EXD3: variants seen among roughly 807,000 people sequenced by gnomAD.
EXD3 encodes exonuclease 3'-5' domain containing 3, also known as exonuclease mut-7 homolog.
EXD3 carries 92 observed loss-of-function variants against 98.0 expected under a neutral mutation model. The observed-to-expected ratio is 0.94, with a 90% CI of 0.79 to 1.12. The LOEUF (loss-of-function observed/expected upper bound fraction) is 1.12, where lower values mean the gene tolerates loss of function less well. Among genes scored for constraint, EXD3 ranks in the 50% most tolerant of loss-of-function variants. The pLI, the probability that EXD3 is intolerant of heterozygous loss-of-function variation, is 0.00. For missense variants in EXD3, 1,222 were observed against 1,191.6 expected (o/e 1.03, Z -0.38); for synonymous variants, 569 against 526.0 (o/e 1.08, Z -1.12).
intron 8 of EXD3, among the ~76,000 whole-genome samples, 165 bp from the exon 9 acceptor site, chr9:137,354,938 G>T (rs745358101): frequency 6.6e-6 from 1 of 152,152 alleles, no homozygotes; most frequent in African/African-American, 2.4e-5. Context: ...CTCTGCTGGG[G>T]TCCACCCCAC....
In EXD3 at chr9:137,324,003, G is replaced by A; in HGVS notation, c.2052+87C>T. The A allele has an allele frequency of 6.5e-7, 1 of 1,533,744 alleles. No individual in the cohort carries two copies. Among genetic ancestry groups the A allele is most frequent in the Non-Finnish European group, 8.8e-7 (1 of 1,133,422 alleles). On this transcript the variant is annotated intron_variant, in intron 18 of 21. Coordinates refer to ENST00000340951, the MANE Select transcript of EXD3 (RefSeq NM_017820.5). The surrounding 1 kb of genome is among the most constrained non-coding windows in gnomAD (Gnocchi z 4.1). ...GCGCTGGGGGTCGGCCCCACGGCAA[G>A]CTGACCCTGAGGTGGGGGTGGCCGA...
intron 6 of EXD3, among the ~76,000 whole-genome samples, chr9:137,366,994 G>A (rs1252487668): frequency 6.6e-6 from 1 of 152,228 alleles, no homozygotes; most frequent in Non-Finnish European, 1.5e-5. Context: ...ACTGCCTCCC[G>A]AGCAGGTCTG....
In EXD3 at chr9:137,403,586, C is replaced by T. The variant is rs954920540; in HGVS notation, c.-47-8182G>A. 1.1e-5 allele frequency among the ~76,000 whole-genome samples: 1 copy of T among 89,146 alleles called. No individual in the cohort carries two copies. Among genetic ancestry groups the T allele is most frequent in the African/African-American group, 3.3e-5 (1 of 30,382 alleles). 58.5% of individuals were successfully genotyped at this position (89,146 alleles called of 152,430 possible). A position where few individuals can be genotyped will look rare whatever the true frequency, so the allele number is the denominator to read the frequency against. On this transcript the variant is annotated intron_variant, in intron 1 of 21. Coordinates refer to ENST00000340951, the MANE Select transcript of EXD3 (RefSeq NM_017820.5). This position sits in a 1 kb window ranked among gnomAD's most constrained non-coding sequence, Gnocchi z 6.1. ...CATTCCCGAGCCCCCCAGTTTTCGC[C>T]TCTCTCCTTCTCTTTGCCCCTAAGG...
chr9:137,310,118 A>G (rs1033475552), intron 19 of EXD3, among the ~76,000 whole-genome samples: 9 of 152,190 alleles, frequency 5.9e-5, no homozygotes, highest in Non-Finnish European at 1.5e-5. Flanking sequence ...CCATTTCCAC[A>G]TCCACATTTC....
rs1332031659 is a variant in EXD3, at chr9:137,329,239, T to G, written c.1999-5096A>C. Among the ~76,000 whole-genome samples the G allele has an allele frequency of 3.3e-3, 48 of 14,438 alleles. 12 individuals are homozygous for G. Among genetic ancestry groups the G allele is most frequent in the Admixed American group, 4.5e-3 (6 of 1,348 alleles). 9.5% of individuals were successfully genotyped at this position (14,438 alleles called of 152,430 possible). On this transcript the variant is annotated intron_variant, in intron 17 of 21. Coordinates refer to ENST00000340951, the MANE Select transcript of EXD3 (RefSeq NM_017820.5). ...GGGACGACACGGGGCTACACGGGGC[T>G]ACACGGGAGCTACACGGGGCTACAC...
intron 3 of EXD3, among the ~76,000 whole-genome samples, chr9:137,380,098 A>G (rs1358957963): frequency 6.6e-6 from 1 of 151,714 alleles, no homozygotes; most frequent in Non-Finnish European, 1.5e-5. Context: ...CTTGGGACCC[A>G]TGGCTCTGAG....
chr9:137,337,222 T>A (rs767117296), intron 17 of EXD3, among the ~76,000 whole-genome samples: 1 of 152,212 alleles, frequency 6.6e-6, no homozygotes, highest in Non-Finnish European at 1.5e-5. Context: ...ATAATATGCA[T>A]ATGCACCTAC....
At chr9:137,421,861 AAAG>A (rs369216711) in intron 1 of EXD3, among the ~76,000 whole-genome samples, 234 of 152,310 alleles carry the variant, frequency 1.5e-3, no homozygotes, top group African/African-American at 5.2e-3. Context: ...AAATAAAAAG[AAAG>A]AAGAACATGG....
At chr9:137,307,945 G>A (rs1391048087) in intron 20 of EXD3, among the ~76,000 whole-genome samples, 2 of 151,986 alleles carry the variant, frequency 1.3e-5, no homozygotes, top group Non-Finnish European at 2.9e-5. Flanking sequence ...CCTGAGAACC[G>A]GCGGGCGGGG....
chr9:137,308,935 G>A (rs931855256), intron 20 of EXD3, among the ~76,000 whole-genome samples: 25 of 152,208 alleles, frequency 1.6e-4, no homozygotes, highest in Admixed American at 2.6e-4. Context: ...GTGAGCCACC[G>A]CGCCCAGCCT....
chr9:137,367,747 C>T (rs1835342005), intron 6 of EXD3, 189 bp downstream of exon 6: 2 of 576,092 alleles, frequency 3.5e-6, no homozygotes, highest in Non-Finnish European at 6.2e-6. Flanking sequence ...GCGGCTGCGT[C>T]TGATTTGGGG....
chr9:137,370,768 C>T (rs1046617901), intron 5 of EXD3, among the ~76,000 whole-genome samples: 1 of 147,060 alleles, frequency 6.8e-6, no homozygotes. Flanking sequence ...CCCACCTCTG[C>T]GTGGGCCTGG....
At position 137,406,049 on chromosome 9, in the gene EXD3, A is replaced by C. The variant is rs534641513; in HGVS notation, c.-47-10645T>G. On this transcript the variant is annotated intron_variant, in intron 1 of 21. Coordinates refer to ENST00000340951, the MANE Select transcript of EXD3 (RefSeq NM_017820.5). ...AGCCTGGGCAACATAGTGAGACCCC[A>C]TCCTATGAAAAAAAAAATCAGCTGG... Among the ~76,000 whole-genome samples the C allele has an allele frequency of 2.0e-5, 3 of 151,954 alleles. No individual in the cohort carries two copies. In the South Asian group the frequency reaches 6.2e-4, roughly 32 times the overall value.
chr9:137,413,740 T>A (rs781100622), intron 1 of EXD3, among the ~76,000 whole-genome samples: 11 of 151,912 alleles, frequency 7.2e-5, no homozygotes, highest in Non-Finnish European at 1.3e-4. Context: ...TGACCTCACG[T>A]GATCCACTTG....
chr9:137,372,157 A>C (rs1412220602), intron 5 of EXD3, among the ~76,000 whole-genome samples: 1 of 151,882 alleles, frequency 6.6e-6, no homozygotes, highest in Non-Finnish European at 1.5e-5. Context: ...CTGCGACACC[A>C]CTTAAGACCT....
intron 4 of EXD3, 23 bp downstream of exon 4, chr9:137,373,403 T>A: frequency 6.2e-7 from 1 of 1,600,932 alleles, no homozygotes; most frequent in South Asian, 1.1e-5. Context: ...GGGAGGTGAC[T>A]GTCACAGAAC....
intron 2 of EXD3, among the ~76,000 whole-genome samples, chr9:137,388,002 A>C (rs1275159507): frequency 6.6e-6 from 1 of 152,194 alleles, no homozygotes; most frequent in Non-Finnish European, 1.5e-5. Flanking sequence ...CTGACCCTGG[A>C]CCCTGCCCCT....
chr9:137,387,100 C>T lies in EXD3; in HGVS notation c.56-3723G>A, dbSNP rs149567282. Among the ~76,000 whole-genome samples the T allele has an allele frequency of 2.4e-3, 359 of 150,986 alleles. 15 individuals carry two copies. Among genetic ancestry groups the T allele is most frequent in the African/African-American group, 8.3e-3 (344 of 41,206 alleles). Reference sequence around the variant, plus strand: ...CGGCCCTTGCTTCCTGCCTGGCCCCCGGCCCCTACTCCTTGTCTGCCTCCC... The same window carrying T: ...CGGCCCTTGCTTCCTGCCTGGCCCCTGGCCCCTACTCCTTGTCTGCCTCCC... On this transcript the variant is annotated intron_variant, in intron 2 of 21. Coordinates refer to ENST00000340951, the MANE Select transcript of EXD3 (RefSeq NM_017820.5).
At chr9:137,326,027 C>T (rs1259314416) in intron 17 of EXD3, among the ~76,000 whole-genome samples, 1 of 149,028 alleles carries the variant, frequency 6.7e-6, no homozygotes, top group East Asian at 2.0e-4. Context: ...TGCAGTGGGC[C>T]GTGTTTGCGC....
Sources: allele counts gnomAD v4.1 joint callset (sites outside exome capture counted in the v4.1 genomes callset), GRCh38; gene constraint gnomAD v4.1.1; non-coding constraint Gnocchi (gnomAD v3.1); transcripts MANE v1.5; gene names NCBI Gene and HGNC (gene_info 2026-07-23, HGNC 2026-07-21).